The following SH3RF2 variants were observed in gnomAD, a reference collection of about 807,000 sequenced individuals.
SH3RF2 encodes SH3 domain containing ring finger 2, also known as E3 ubiquitin-protein ligase SH3RF2.
In SH3RF2, 43 loss-of-function variants were observed where a neutral mutation model predicts 59.0. The observed-to-expected ratio is 0.73, with a 90% CI of 0.57 to 0.94. The LOEUF (loss-of-function observed/expected upper bound fraction) is 0.94. Among genes scored for constraint, SH3RF2 ranks in the 40% least tolerant of loss-of-function variants. SH3RF2 has a pLI of 0.00. For missense variants in SH3RF2, 930 were observed against 940.1 expected (o/e 0.99, Z 0.14); for synonymous variants, 391 against 391.5 (o/e 1.00, Z 0.01).
Position 146,027,218 on chromosome 5 carries a change from G to A in SH3RF2, c.1059+13157G>A, listed in dbSNP as rs73313903. Reference sequence around the variant, plus strand: ...CTTGCTTAGTTCATACTGTAATTCCGTGTGAACCCATGTGAGAGAAGCCAA... The same window carrying A: ...CTTGCTTAGTTCATACTGTAATTCCATGTGAACCCATGTGAGAGAAGCCAA... On this transcript the variant is annotated intron_variant, in intron 5 of 9. Coordinates refer to ENST00000359120, the MANE Select transcript of SH3RF2 (RefSeq NM_152550.4). Among the ~76,000 whole-genome samples, 458 of 152,304 alleles carry A rather than the reference G, an allele frequency of 3.0e-3. 3 individuals carry two copies. Among genetic ancestry groups the A allele is most frequent in the African/African-American group, 0.011 (437 of 41,566 alleles).
chr5:145,960,453 G>A (rs1029921179), intron 2 of SH3RF2, among the ~76,000 whole-genome samples: 1 of 152,210 alleles, frequency 6.6e-6, no homozygotes, highest in African/African-American at 2.4e-5. Flanking sequence ...GTAGTTCAAT[G>A]CCTGGCCCTT....
chr5:146,069,971 T>C (rs889196153), intron 9 of SH3RF2, among the ~76,000 whole-genome samples: 18 of 91,676 alleles, frequency 2.0e-4, no homozygotes, highest in African/African-American at 6.5e-4. Flanking sequence ...GTTTGAGGTA[T>C]AATGGAAACT....
chr5:145,939,521 A>G (rs1426320706), intron 2 of SH3RF2, among the ~76,000 whole-genome samples: 2 of 152,220 alleles, frequency 1.3e-5, no homozygotes, highest in Non-Finnish European at 1.5e-5. Context: ...TAAACATTCA[A>G]CAATGAGGGT....
chr5:146,022,877 ACAC>A (rs1561747537), intron 5 of SH3RF2, among the ~76,000 whole-genome samples: 237 of 7,310 alleles, frequency 0.032, no homozygotes, highest in African/African-American at 0.034. Flanking sequence ...CCATCTAAAC[ACAC>A]ACACACACAC....
chr5:145,974,065 G>T (rs551602230), intron 2 of SH3RF2, among the ~76,000 whole-genome samples: 1 of 152,296 alleles, frequency 6.6e-6, no homozygotes, highest in East Asian at 1.9e-4. Flanking sequence ...GACTGAGGAA[G>T]GGTTCACTTC....
intron 2 of SH3RF2, among the ~76,000 whole-genome samples, chr5:145,950,535 G>C (rs891386174): frequency 3.3e-5 from 5 of 152,234 alleles, no homozygotes; most frequent in Non-Finnish European, 2.9e-5. Context: ...AATAGAGAGG[G>C]AAACAGGAGA....
intron 2 of SH3RF2, among the ~76,000 whole-genome samples, chr5:145,971,997 G>T (rs1759102842): frequency 6.6e-6 from 1 of 152,124 alleles, no homozygotes; most frequent in Non-Finnish European, 1.5e-5. Flanking sequence ...TGAGATTGAT[G>T]TTATTATCAT....
chr5:146,005,226 C>T (rs968262527), intron 4 of SH3RF2, among the ~76,000 whole-genome samples: 6 of 152,016 alleles, frequency 3.9e-5, no homozygotes, highest in African/African-American at 1.4e-4. Flanking sequence ...TATAACCTGT[C>T]AGTGCCTAAC....
At chr5:145,997,768 A>G in intron 2 of SH3RF2, 3 of 1,573,694 alleles carry the variant, frequency 1.9e-6, no homozygotes, top group Middle Eastern at 3.4e-4. Context: ...AGCAGCAAAA[A>G]AAGAGTCACT....
chr5:145,952,887 C>A (rs1758247350), intron 2 of SH3RF2, among the ~76,000 whole-genome samples: 1 of 152,022 alleles, frequency 6.6e-6, no homozygotes, highest in African/African-American at 2.4e-5. Context: ...AGTATAAAAC[C>A]CAGACCTTAG....
intron 9 of SH3RF2, among the ~76,000 whole-genome samples, chr5:146,075,421 C>T (rs1239966884): frequency 2.0e-5 from 3 of 152,160 alleles, no homozygotes; most frequent in Non-Finnish European, 4.4e-5. Context: ...AAAAAACGTC[C>T]ATGGGGTCAC....
intron 9 of SH3RF2, among the ~76,000 whole-genome samples, chr5:146,070,448 A>T (rs1763208499): frequency 6.6e-6 from 1 of 152,114 alleles, no homozygotes; most frequent in Admixed American, 6.5e-5. Flanking sequence ...CCAAAAAGCA[A>T]ATCTACCCCT....
At chr5:146,046,926 G>A (rs1413401447) in intron 5 of SH3RF2, among the ~76,000 whole-genome samples, 1 of 152,066 alleles carries the variant, frequency 6.6e-6, no homozygotes, top group African/African-American at 2.4e-5. Flanking sequence ...ATCACACCCA[G>A]CTAATTTTTT....
chr5:145,972,237 GA>G (rs951820848), intron 2 of SH3RF2, among the ~76,000 whole-genome samples: 11 of 150,444 alleles, frequency 7.3e-5, no homozygotes, highest in South Asian at 2.1e-4. Flanking sequence ...ATAAAAAATT[GA>G]AAAAAAAATT....
rs1296961286 is a variant in SH3RF2, at chr5:146,013,881, G to A, written c.879G>A (p.Arg293=). 1 of 1,614,026 alleles carries A rather than the reference G, an allele frequency of 6.2e-7. No individual in the cohort carries two copies. The highest frequency in any genetic ancestry group is 2.2e-5 in the East Asian group (1 of 44,888). ...TCCGTAGGGGCCCAGGGTCCAGGAG[G>A]AAGGTGCCTGGGCAGTTTTCCATCA... ...STLRRGPGSR[R]KVPGQFSITT... The change falls in exon 5 of 10, where the codon AGG becomes AGA. Residue 293 remains arginine, a synonymous_variant. Transcript: ENST00000359120.
chr5:146,018,466 ATATG>A (rs1372722096), intron 5 of SH3RF2, among the ~76,000 whole-genome samples: 15 of 152,108 alleles, frequency 9.9e-5, no homozygotes, highest in Admixed American at 1.3e-4. Flanking sequence ...CATGGTATAT[ATATG>A]TATGTATGTA....
chr5:145,972,663 G>A (rs1324087811), intron 2 of SH3RF2, among the ~76,000 whole-genome samples: 13 of 152,178 alleles, frequency 8.5e-5, no homozygotes, highest in Admixed American at 8.5e-4. Context: ...AGTGTCTGCT[G>A]GGCCCATCAC....
chr5:145,999,333 C>T lies in SH3RF2; in HGVS notation c.379-725C>T, dbSNP rs978119582. Among the ~76,000 whole-genome samples, 5 of 152,266 alleles carry T rather than the reference C, an allele frequency of 3.3e-5. No homozygotes were observed. The East Asian group carries it at 5.8e-4, about 18-fold the overall frequency. The stretch of plus-strand genomic sequence containing the variant: ...CAAACCAGTCAAACTTTCTCCATAT[C>T]GGCAATAAGGCTGATTCACTTACTT... On this transcript the variant is annotated intron_variant, in intron 2 of 9. Coordinates refer to ENST00000359120, the MANE Select transcript of SH3RF2 (RefSeq NM_152550.4).
intron 5 of SH3RF2, among the ~76,000 whole-genome samples, chr5:146,044,623 A>C (rs1762243089): frequency 6.6e-6 from 1 of 152,052 alleles, no homozygotes; most frequent in African/African-American, 2.4e-5. Context: ...GAGTTTCTCC[A>C]AACTGTTTTT....
Sources: allele counts gnomAD v4.1 joint callset (sites outside exome capture counted in the v4.1 genomes callset), GRCh38; gene constraint gnomAD v4.1.1; transcripts MANE v1.5; gene names NCBI Gene and HGNC (gene_info 2026-07-23, HGNC 2026-07-21).